SCARB2: variants seen among roughly 807,000 people sequenced by gnomAD.
The protein encoded by SCARB2 is lysosome membrane protein 2.
SCARB2 carries 29 observed loss-of-function variants against 58.6 expected under a neutral mutation model. The ratio of observed to expected loss-of-function variants is 0.49; its 90% CI spans 0.37 to 0.67. The LOEUF is 0.67. Ranked by LOEUF, SCARB2 falls within the 30% of genes least tolerant of loss-of-function variation. The pLI, the probability that SCARB2 is intolerant of heterozygous loss-of-function variation, is 0.00. For missense variants in SCARB2, 488 were observed against 578.5 expected (o/e 0.84, Z 1.60); for synonymous variants, 195 against 210.1 (o/e 0.93, Z 0.62).
At chr4:76,172,841 A>G (rs1456449902) in intron 7 of SCARB2, 1 of 152,162 alleles carries the variant, frequency 6.6e-6, no homozygotes, top group East Asian at 1.9e-4. Context: ...AATGAGATAG[A>G]TAAGGGAGCA....
Position 76,190,956 on chromosome 4 carries a change from G to A in SCARB2, c.275+4751C>T, listed in dbSNP as rs1340923581. 3.3e-5 allele frequency among the ~76,000 whole-genome samples: 5 copies of A among 152,262 alleles called. No homozygotes were observed. The East Asian group carries it at 5.8e-4, about 18-fold the overall frequency. On this transcript the variant is annotated intron_variant, in intron 2 of 11. Coordinates refer to ENST00000264896, the MANE Select transcript of SCARB2 (RefSeq NM_005506.4). ...AAATGCACACAGGATTTCAAAGACA[G>A]TATAAAAAAAGATTGTAAAGTATCT...
chr4:76,170,110 T>C (rs1732099387), intron 7 of SCARB2, 125 bp from the exon 8 acceptor site: 2 of 791,226 alleles, frequency 2.5e-6, no homozygotes, highest in Admixed American at 1.9e-5. Flanking sequence ...ATAAATTAAC[T>C]TGGGTAGGCT....
intron 11 of SCARB2, 147 bp from the exon 12 acceptor site, chr4:76,161,898 G>A: frequency 1.4e-6 from 1 of 731,548 alleles, no homozygotes; most frequent in Non-Finnish European, 2.3e-6. Flanking sequence ...CTCTTGGGCT[G>A]CTGCTTGTTC....
Position 76,163,187 on chromosome 4 carries a change from T to C in SCARB2, c.1398+38A>G, listed in dbSNP as rs761287140. The C allele has an allele frequency of 2.5e-6, 4 of 1,613,472 alleles. No homozygotes were observed. In the East Asian group the frequency reaches 6.7e-5, roughly 27 times the overall value. On this transcript the variant is annotated intron_variant, in intron 11 of 11. Coordinates refer to ENST00000264896, the MANE Select transcript of SCARB2 (RefSeq NM_005506.4). ...TACAGTTGAATTCCTCAGGTAAAGTTATCCAGTAAGGAAGAAGTTCCTTCA... is the reference window on the plus strand; with the variant it reads ...TACAGTTGAATTCCTCAGGTAAAGTCATCCAGTAAGGAAGAAGTTCCTTCA...
At chr4:76,212,509 A>G (rs1733072717) in intron 1 of SCARB2, among the ~76,000 whole-genome samples, 1 of 152,238 alleles carries the variant, frequency 6.6e-6, no homozygotes, top group Non-Finnish European at 1.5e-5. Context: ...ATCTGGCCGC[A>G]GCAAGTGCAG....
chr4:76,163,507 T>C, intron 10 of SCARB2, 124 bp from the exon 11 acceptor site: 1 of 968,688 alleles, frequency 1.0e-6, no homozygotes, highest in Non-Finnish European at 1.6e-6. Context: ...CCAAACATAC[T>C]GAAAATCCAT....
intron 1 of SCARB2, among the ~76,000 whole-genome samples, chr4:76,200,859 A>T (rs1732815006): frequency 6.6e-6 from 1 of 152,118 alleles, no homozygotes; most frequent in African/African-American, 2.4e-5. Context: ...GGCACATTTC[A>T]TCATTGGCTT....
rs1222341162 is a variant in SCARB2, at chr4:76,176,480, T to C, written c.661A>G (p.Ser221Gly). ...GDYVFLTGEDSYLNFTKIVEW... is the reference protein window; with the variant it reads ...GDYVFLTGEDGYLNFTKIVEW... ...ACAATTTTTGTAAAGTTAAGGTAAC[T>C]GTCTTCTCCAGTTAGAAAAACATAG... The change falls in exon 5 of 12, where the codon AGT becomes GGT. Residue 221 changes from serine (S) to glycine (G), a missense_variant. Transcript: ENST00000264896. 2.5e-6 allele frequency: 4 copies of C among 1,612,606 alleles called. No individual in the cohort carries two copies. The highest frequency in any genetic ancestry group is 3.4e-6 in the Non-Finnish European group (4 of 1,179,272).
intron 1 of SCARB2, among the ~76,000 whole-genome samples, chr4:76,205,169 AT>A (rs956960829): frequency 9.9e-5 from 15 of 152,158 alleles, no homozygotes; most frequent in African/African-American, 2.2e-4. Flanking sequence ...CTACAAAAAA[AT>A]ATTTAAAAAT....
intron 2 of SCARB2, among the ~76,000 whole-genome samples, chr4:76,189,024 A>T (rs1377861975): frequency 6.6e-6 from 1 of 152,184 alleles, no homozygotes; most frequent in African/African-American, 2.4e-5. Context: ...TTTTGTCATT[A>T]CTTTTAAATA....
chr4:76,163,034 CCACCTTCTTTGACA>C (rs1731930408), intron 11 of SCARB2, 177 bp downstream of exon 11: 1 of 685,606 alleles, frequency 1.5e-6, no homozygotes, highest in African/African-American at 1.8e-5. Flanking sequence ...TTCTAACCCT[CCACCTTCTTTGACA>C]CACTTCCTTT....
In SCARB2 at chr4:76,187,634, A is replaced by C. The variant is rs1163699289; in HGVS notation, c.276-6533T>G. On this transcript the variant is annotated intron_variant, in intron 2 of 11. Coordinates refer to ENST00000264896, the MANE Select transcript of SCARB2 (RefSeq NM_005506.4). ...GTATATTTTGTATATGTACATGCAT[A>C]TGTACATAGTATGATAACCATCTAA... 2.0e-5 allele frequency among the ~76,000 whole-genome samples: 3 copies of C among 152,210 alleles called. No homozygotes were observed. The East Asian group carries it at 5.8e-4, about 29-fold the overall frequency.
At chr4:76,181,513 GA>G (rs1406783778) in intron 2 of SCARB2, among the ~76,000 whole-genome samples, 1 of 152,118 alleles carries the variant, frequency 6.6e-6, no homozygotes, top group Non-Finnish European at 1.5e-5. Flanking sequence ...GAATTAAATT[GA>G]AATTTTATTT....
intron 7 of SCARB2, chr4:76,173,868 C>A: frequency 2.5e-6 from 1 of 403,096 alleles, no homozygotes; most frequent in Non-Finnish European, 4.6e-6. Flanking sequence ...ATTCAATAGC[C>A]ATGTTATGAA....
Position 76,221,624 on chromosome 4 carries a change from C to G in SCARB2, c.-358+12679G>C, listed in dbSNP as rs187445819. On this transcript the variant is annotated intron_variant, in intron 1 of 11. Coordinates refer to the SCARB2 transcript ENST00000638295. ...CATGAGCCACCGCACCCGGCCTATT[C>G]CCCATTATTTCAAGCGAACTACTGC... is the stretch of plus-strand genomic sequence containing the variant. 3.5e-4 allele frequency among the ~76,000 whole-genome samples: 54 copies of G among 152,192 alleles called. 1 individual carries two copies. The South Asian group carries it at 0.011, about 30-fold the overall frequency.
chr4:76,193,905 G>A (rs577556814), intron 2 of SCARB2: 1 of 152,378 alleles, frequency 6.6e-6, no homozygotes, highest in South Asian at 2.1e-4. Context: ...GGGGTGGAAT[G>A]ATATAGTTTG....
In SCARB2 at chr4:76,195,749, C is replaced by G; in HGVS notation, c.233G>C (p.Gly78Ala). ...CACTTCTTCCACCCGAGGGGTCTCC[C>G]CTCTGAGGATCTCCTCTGGATTGGT... ...NVTNPEEILRGETPRVEEVGP... is the reference protein window; with the variant it reads ...NVTNPEEILRAETPRVEEVGP... The change falls in exon 2 of 12, where the codon GGG (glycine) becomes GCG (alanine). Residue 78 changes from glycine to alanine, a missense_variant. Gly to Ala is a moderately conservative substitution (Grantham distance 60, BLOSUM62 0). Transcript: ENST00000264896. 1.2e-6 allele frequency: 2 copies of G among 1,614,084 alleles called. No homozygotes were observed. Among genetic ancestry groups the G allele is most frequent in the Non-Finnish European group, 1.7e-6 (2 of 1,179,968 alleles).
At chr4:76,190,763 G>A (rs1448663906) in intron 2 of SCARB2, among the ~76,000 whole-genome samples, 1 of 152,072 alleles carries the variant, frequency 6.6e-6, no homozygotes, top group Non-Finnish European at 1.5e-5. Flanking sequence ...CAGCCTGGGA[G>A]ACAGAATGAG....
intron 7 of SCARB2, 52 bp downstream of exon 7, chr4:76,174,092 A>G: frequency 6.2e-7 from 1 of 1,606,784 alleles, no homozygotes; most frequent in African/African-American, 1.3e-5. Flanking sequence ...GTTGAACTCC[A>G]ATCCTTCTGC....
Sources: allele counts gnomAD v4.1 joint callset (sites outside exome capture counted in the v4.1 genomes callset), GRCh38; gene constraint gnomAD v4.1.1; transcripts MANE v1.5; gene names NCBI Gene and HGNC (gene_info 2026-07-23, HGNC 2026-07-21).